Variants in SV2C observed in about 807,000 individuals in gnomAD.
The protein encoded by SV2C is synaptic vesicle glycoprotein 2C, also known as solute carrier family 22 member B3.
A neutral mutation model predicts 79.7 loss-of-function variants in SV2C; 49 were observed. That is an observed-to-expected ratio of 0.61 (90% CI 0.49 to 0.78). SV2C has a LOEUF of 0.78. SV2C is among the 30% of genes least tolerant of loss of function. The pLI is 0.00. For synonymous variants in SV2C, 334 were observed against 333.2 expected (o/e 1.00, Z -0.03); for missense variants, 833 against 912.9 (o/e 0.91, Z 1.13).
intron 4 of SV2C, among the ~76,000 whole-genome samples, chr5:76,245,938 G>GTGTA (rs1364304923): frequency 1.4e-5 from 2 of 141,824 alleles, no homozygotes; most frequent in African/African-American, 5.5e-5. Context: ...GTGTGTGTAT[G>GTGTA]TGTGTGTGTG....
At chr5:76,052,504 G>A in the SV2C span, among the ~76,000 whole-genome samples, 1 of 152,220 alleles carries the variant, frequency 6.6e-6, no homozygotes, top group African/African-American at 2.4e-5. Flanking sequence ...CTAAGATTCT[G>A]AAGCCCTAAG....
intron 12 of SV2C, among the ~76,000 whole-genome samples, chr5:76,341,384 AAAC>A (rs149548232): frequency 0.18 from 27,053 of 152,054 alleles, 3,457 homozygotes; most frequent in East Asian, 0.74. Flanking sequence ...TGAAACAAAA[AAAC>A]AACAACAAAA....
intron 6 of SV2C, among the ~76,000 whole-genome samples, chr5:76,289,489 C>T (rs138380812): frequency 6.6e-6 from 1 of 152,294 alleles, no homozygotes; most frequent in African/African-American, 2.4e-5. Flanking sequence ...CTCCAAGCCT[C>T]ATCATTGCCC....
chr5:76,152,883 A>ACAT (rs1395537623), intron 2 of SV2C, among the ~76,000 whole-genome samples: 1 of 152,228 alleles, frequency 6.6e-6, no homozygotes, highest in Non-Finnish European at 1.5e-5. Context: ...CTGGTACTGC[A>ACAT]CATCACATGG....
intron 2 of SV2C, among the ~76,000 whole-genome samples, chr5:76,143,601 A>G (rs902957372): frequency 6.6e-6 from 1 of 152,190 alleles, no homozygotes; most frequent in African/African-American, 2.4e-5. Context: ...CCTGACCCCC[A>G]GGAAGCAATA....
At chr5:75,884,224 A>G in the SV2C span, among the ~76,000 whole-genome samples, 7 of 152,140 alleles carry the variant, frequency 4.6e-5, no homozygotes, top group African/African-American at 1.7e-4. Context: ...GGACTATTTG[A>G]TTGGCTTTGC....
the SV2C span, among the ~76,000 whole-genome samples, chr5:75,926,954 T>C: frequency 6.6e-6 from 1 of 152,220 alleles, no homozygotes. Flanking sequence ...AGTTTGAGGT[T>C]CAGAATGGGC....
chr5:76,232,485 T>C (rs1230506850), intron 4 of SV2C, among the ~76,000 whole-genome samples: 2 of 147,178 alleles, frequency 1.4e-5, no homozygotes, highest in Admixed American at 1.3e-4. Context: ...GCCATTGCTT[T>C]TGGTGTTTTA....
chr5:75,930,538 T>C, the SV2C span, among the ~76,000 whole-genome samples: 1 of 152,202 alleles, frequency 6.6e-6, no homozygotes, highest in Non-Finnish European at 1.5e-5. Context: ...CTGTGATGAC[T>C]GGAACATTAG....
the SV2C span, among the ~76,000 whole-genome samples, chr5:75,853,428 C>T: frequency 4.0e-5 from 6 of 150,954 alleles, no homozygotes; most frequent in African/African-American, 1.5e-4. Context: ...TGGTGGCGGG[C>T]GCCTGTAGTC....
intron 12 of SV2C, among the ~76,000 whole-genome samples, chr5:76,342,831 A>ATTGCATAC (rs1749467952): frequency 6.6e-6 from 1 of 152,076 alleles, no homozygotes; most frequent in Non-Finnish European, 1.5e-5. Context: ...GCATACATTT[A>ATTGCATAC]ATGTGTACAA....
At chr5:76,242,480 G>A (rs879692762) in intron 4 of SV2C, 1 of 507,896 alleles carries the variant, frequency 2.0e-6, no homozygotes, top group Non-Finnish European at 3.7e-6. Context: ...GAACCAATGC[G>A]CCCAGCCCAG....
intron 1 of SV2C, among the ~76,000 whole-genome samples, chr5:76,091,017 A>G (rs1282438425): frequency 2.0e-5 from 3 of 152,010 alleles, no homozygotes; most frequent in Non-Finnish European, 4.4e-5. Flanking sequence ...AAGCACGCCA[A>G]TTTTCTTGAT....
chr5:76,285,979 C>T, intron 6 of SV2C, 109 bp downstream of exon 6: 1 of 871,578 alleles, frequency 1.1e-6, no homozygotes. Flanking sequence ...GTCTTTGACA[C>T]AGCTACTCAG....
chr5:76,116,760 G>A (rs573421331), intron 1 of SV2C, among the ~76,000 whole-genome samples: 1 of 152,318 alleles, frequency 6.6e-6, no homozygotes, highest in East Asian at 1.9e-4. Flanking sequence ...ATACGACAGT[G>A]TTGTAGCTGA....
the SV2C span, among the ~76,000 whole-genome samples, chr5:75,972,424 C>T: frequency 6.6e-6 from 1 of 152,040 alleles, no homozygotes; most frequent in African/African-American, 2.4e-5. Flanking sequence ...TTGCAACCTA[C>T]TCATCTGACA....
the SV2C span, among the ~76,000 whole-genome samples, chr5:75,905,805 G>A: frequency 6.6e-6 from 1 of 151,596 alleles, no homozygotes; most frequent in African/African-American, 2.4e-5. Flanking sequence ...CAAATATAAG[G>A]TATTGTTCTG....
chr5:76,026,146 G>A, the SV2C span, among the ~76,000 whole-genome samples: 3 of 149,728 alleles, frequency 2.0e-5, no homozygotes, highest in Non-Finnish European at 4.4e-5. Flanking sequence ...GAGAACTACT[G>A]ATCTAAAACC....
intron 4 of SV2C, among the ~76,000 whole-genome samples, chr5:76,253,507 A>G (rs1326322322): frequency 1.3e-5 from 2 of 152,118 alleles, no homozygotes; most frequent in Admixed American, 6.6e-5. Context: ...GATTAATGAC[A>G]TGGTTTTATT....
Sources: allele counts gnomAD v4.1 joint callset (sites outside exome capture counted in the v4.1 genomes callset), GRCh38; gene constraint gnomAD v4.1.1; transcripts MANE v1.5; gene names NCBI Gene and HGNC (gene_info 2026-07-23, HGNC 2026-07-21).